The following TCF7L1 variants were observed in gnomAD, a reference collection of about 807,000 sequenced individuals.
TCF7L1 encodes transcription factor 7 like 1.
TCF7L1 carries 18 observed loss-of-function variants against 63.7 expected under a neutral mutation model. That is an observed-to-expected ratio of 0.28 (90% CI 0.20 to 0.42). The LOEUF is 0.42. TCF7L1 is among the 10% of genes least tolerant of loss of function. The pLI, the probability that TCF7L1 is intolerant of heterozygous loss-of-function variation, is 1.00. For missense variants in TCF7L1, 654 were observed against 779.3 expected (o/e 0.84, Z 1.91); for synonymous variants, 355 against 340.9 (o/e 1.04, Z -0.46).
intron 3 of TCF7L1, among the ~76,000 whole-genome samples, chr2:85,138,154 G>A (rs770609303): frequency 1.7e-4 from 26 of 152,062 alleles, no homozygotes; most frequent in Non-Finnish European, 3.4e-4. Flanking sequence ...AACCTCTTTC[G>A]TTCAGCACAA....
At chr2:85,296,815 G>C (rs1354927882) in intron 4 of TCF7L1, among the ~76,000 whole-genome samples, 1 of 152,040 alleles carries the variant, frequency 6.6e-6, no homozygotes, top group African/African-American at 2.4e-5. Flanking sequence ...GATAGATACA[G>C]AGAAAAAAAA....
intron 3 of TCF7L1, among the ~76,000 whole-genome samples, chr2:85,196,325 G>C (rs1035215204): frequency 5.3e-5 from 8 of 152,174 alleles, no homozygotes; most frequent in African/African-American, 1.9e-4. Context: ...AAACTCCTGG[G>C]CTCAAGGGAT....
At chr2:85,249,057 T>C (rs6547603) in intron 3 of TCF7L1, among the ~76,000 whole-genome samples, 126,180 of 152,082 alleles carry the variant, frequency 0.83, 52,958 homozygotes, top group African/African-American at 0.96. Context: ...TTCCGTCTCT[T>C]GTAAGTATCA....
intron 3 of TCF7L1, among the ~76,000 whole-genome samples, chr2:85,197,159 C>T (rs1326140576): frequency 1.3e-5 from 2 of 152,212 alleles, no homozygotes; most frequent in African/African-American, 2.4e-5. Context: ...TGTATTAATC[C>T]GAGCACTTTG....
chr2:85,257,534 A>C (rs975575721), intron 3 of TCF7L1, among the ~76,000 whole-genome samples: 78 of 152,310 alleles, frequency 5.1e-4, no homozygotes, highest in African/African-American at 1.8e-3. Flanking sequence ...TGAAGAAAGC[A>C]TCAAAGGCAG....
rs751766340 is a variant in TCF7L1 at position 85,304,316 on chromosome 2, G to A, written c.823G>A (p.Ala275Thr). The stretch of plus-strand genomic sequence containing the variant: ...CTTCCGGCACCCTTACCCCGCCCTC[G>A]CCATGAACGCCTCGATGTCCAGGTG... ...GGFRHPYPAL[A>T]MNASMSSLVS... The change falls in exon 7 of 12, where the codon GCC (alanine) becomes ACC (threonine). Residue 275 changes from alanine (A) to threonine (T), a missense_variant. This residue lies in a region of TCF7L1 where 404 missense variants were observed against 454.8 expected (regional missense o/e 0.89). Transcript: ENST00000282111. The A allele has an allele frequency of 1.1e-5, 18 of 1,613,806 alleles. No homozygotes were observed. The East Asian group carries it at 1.3e-4, about 12-fold the overall frequency.
chr2:85,258,800 C>T (rs1231790219), intron 3 of TCF7L1, among the ~76,000 whole-genome samples: 1 of 152,214 alleles, frequency 6.6e-6, no homozygotes, highest in African/African-American at 2.4e-5. Context: ...GTGACCATCA[C>T]TGACCCCTGA....
intron 3 of TCF7L1, among the ~76,000 whole-genome samples, chr2:85,193,301 G>A (rs1679080166): frequency 1.3e-5 from 2 of 152,176 alleles, no homozygotes; most frequent in African/African-American, 4.8e-5. Flanking sequence ...GTCTCAGGCA[G>A]GTCTCAAAGC....
At chr2:85,283,365 G>T (rs1311042319) in intron 3 of TCF7L1, 130 bp from the exon 4 acceptor site, 5 of 843,472 alleles carry the variant, frequency 5.9e-6, no homozygotes, top group East Asian at 5.0e-5. Flanking sequence ...CCAGTACAGG[G>T]CATGTGGCAT....
rs756782854 is a variant in TCF7L1, at chr2:85,305,414, G to A, written c.989+11G>A. On this transcript the variant is annotated intron_variant, in intron 8 of 11. Transcript: ENST00000282111. Reference sequence around the variant, plus strand: ...CCCTGCAGTGAGCGTGTAAGTAAGCGGCAGCCTGGATTCAGGTGGGAGGGT... The same window carrying A: ...CCCTGCAGTGAGCGTGTAAGTAAGCAGCAGCCTGGATTCAGGTGGGAGGGT... 5.2e-5 allele frequency: 83 copies of A among 1,599,388 alleles called. No individual in the cohort carries two copies. The highest frequency in any genetic ancestry group is 6.4e-5 in the Non-Finnish European group (75 of 1,172,228).
chr2:85,154,817 A>G (rs563044216), intron 3 of TCF7L1, among the ~76,000 whole-genome samples: 3 of 151,092 alleles, frequency 2.0e-5, no homozygotes, highest in Admixed American at 6.7e-5. Flanking sequence ...TGAGGCACCC[A>G]TAGAACTTTT....
intron 3 of TCF7L1, among the ~76,000 whole-genome samples, chr2:85,229,035 AAAAAG>A (rs1321663987): frequency 8.3e-5 from 12 of 144,132 alleles, no homozygotes; most frequent in African/African-American, 3.1e-4. Context: ...AAAAAAAAAA[AAAAAG>A]AAAGGAAAAG....
rs1249533193 is a variant in TCF7L1 at position 85,133,430 on chromosome 2, C to A, written c.-255C>A. 1.3e-5 allele frequency: 2 copies of A among 151,540 alleles called. No individual in the cohort carries two copies. The highest frequency in any genetic ancestry group is 6.6e-5 in the Admixed American group (1 of 15,220). 9.4% of individuals were successfully genotyped at this position (151,540 alleles called of 1,614,324 possible). ...CGGCGGGCCAGGGGCTGGGACGCCC[C>A]GGCGGAGCAGGCGGCGGCGGTGGCG... On this transcript the variant is annotated 5_prime_UTR_variant, in exon 1 of 12. Coordinates refer to ENST00000282111, the MANE Select transcript of TCF7L1 (RefSeq NM_031283.3). This position sits in a 1 kb window ranked among gnomAD's most constrained non-coding sequence, Gnocchi z 4.4.
chr2:85,210,138 C>G (rs900336487), intron 3 of TCF7L1, among the ~76,000 whole-genome samples: 5 of 152,170 alleles, frequency 3.3e-5, no homozygotes, highest in Non-Finnish European at 7.4e-5. Flanking sequence ...GGTGAGGCCC[C>G]ATGGGGAACA....
At chr2:85,248,089 C>T (rs1680507813) in intron 3 of TCF7L1, among the ~76,000 whole-genome samples, 1 of 152,134 alleles carries the variant, frequency 6.6e-6, no homozygotes, top group African/African-American at 2.4e-5. Context: ...CAGGTACCTA[C>T]TTTTAAACCA....
intron 3 of TCF7L1, among the ~76,000 whole-genome samples, chr2:85,159,712 G>A (rs577648948): frequency 8.1e-4 from 123 of 152,316 alleles, no homozygotes; most frequent in Middle Eastern, 3.4e-3. Context: ...GAAGGCTTGC[G>A]CCCTGGGATG....
chr2:85,239,328 C>A (rs1194040663), intron 3 of TCF7L1, among the ~76,000 whole-genome samples: 1 of 152,126 alleles, frequency 6.6e-6, no homozygotes, highest in Admixed American at 6.5e-5. Flanking sequence ...CCCTGCCCTC[C>A]AGACCCCTCC....
At chr2:85,222,170 C>T (rs1311326243) in intron 3 of TCF7L1, among the ~76,000 whole-genome samples, 2 of 151,956 alleles carry the variant, frequency 1.3e-5, no homozygotes, top group East Asian at 1.9e-4. Flanking sequence ...GGTGAAACCT[C>T]GTCTCTACTA....
chr2:85,156,077 C>G (rs1039412970), intron 3 of TCF7L1, among the ~76,000 whole-genome samples: 2 of 152,210 alleles, frequency 1.3e-5, no homozygotes, highest in African/African-American at 2.4e-5. Context: ...GGTAAACAGA[C>G]TTCTCTTTAA....
Sources: allele counts gnomAD v4.1 joint callset (sites outside exome capture counted in the v4.1 genomes callset), GRCh38; gene constraint gnomAD v4.1.1; regional missense constraint gnomAD v4.1.1; non-coding constraint Gnocchi (gnomAD v3.1); transcripts MANE v1.5; gene names NCBI Gene and HGNC (gene_info 2026-07-23, HGNC 2026-07-21).